BCL2L13: variants seen among roughly 807,000 people sequenced by gnomAD.
BCL2L13 encodes the protein BCL2 like 13.
BCL2L13 carries 13 observed loss-of-function variants against 25.8 expected under a neutral mutation model. That is an observed-to-expected ratio of 0.50 (90% confidence interval 0.33 to 0.80). The LOEUF (loss-of-function observed/expected upper bound fraction) is 0.80. BCL2L13 is among the 30% of genes least tolerant of loss of function. The pLI is 0.02. For synonymous variants in BCL2L13, 244 were observed against 230.3 expected, an observed-to-expected ratio of 1.06 and a Z score of -0.54; for missense variants, 504 against 574.9, an observed-to-expected ratio of 0.88 and a Z score of 1.26.
Position 17,693,372 on chromosome 22 carries a change from G to GTT in BCL2L13, c.387-2746_387-2745dup, listed in dbSNP as rs869268984. 3.1e-3 allele frequency among the ~76,000 whole-genome samples: 218 copies of GTT among 70,590 alleles called. 18 individuals carry two copies. Among genetic ancestry groups the GTT allele is most frequent in the African/African-American group, 0.011 (202 of 19,236 alleles). The allele number at this position is 70,590 out of a possible 152,430, so 46.3% of individuals were successfully genotyped here. ...TTATTTATTTATTTATTTAGTGTTT[G>GTT]TTTTTTTTTTTTTTTTTTTTTTTTG... is the stretch of plus-strand genomic sequence containing the variant. On this transcript the variant is annotated intron_variant, in intron 4 of 6. Coordinates refer to ENST00000317582, the MANE Select transcript of BCL2L13 (RefSeq NM_015367.4).
intron 1 of BCL2L13, 62 bp downstream of exon 1, chr22:17,638,948 G>T: frequency 8.4e-7 from 1 of 1,196,260 alleles, no homozygotes; most frequent in South Asian, 4.3e-5. Context: ...CACCTGGGTA[G>T]GAAAGTGCCC....
chr22:17,704,304 CA>C (rs2060526596), intron 6 of BCL2L13, among the ~76,000 whole-genome samples: 3 of 151,804 alleles, frequency 2.0e-5, no homozygotes, highest in Admixed American at 1.3e-4. Flanking sequence ...AGGCTGGTCT[CA>C]AACTCCTGGC....
Position 17,648,107 on chromosome 22 carries a change from A to G in BCL2L13, c.-50-7555A>G, listed in dbSNP as rs1253988384. ...GTCATGCCACTGCACTCCTGGCGACAGAGACTCTGTCTCAAAAAAAAAAAA... is the reference window on the plus strand; with the variant it reads ...GTCATGCCACTGCACTCCTGGCGACGGAGACTCTGTCTCAAAAAAAAAAAA... On this transcript the variant is annotated intron_variant, in intron 1 of 6. Transcript: ENST00000317582. 5.3e-5 allele frequency among the ~76,000 whole-genome samples: 8 copies of G among 151,804 alleles called. No individual in the cohort carries two copies. The East Asian group carries it at 1.6e-3, about 30-fold the overall frequency.
At chr22:17,643,279 T>C (rs1212403316) in intron 1 of BCL2L13, among the ~76,000 whole-genome samples, 1 of 152,152 alleles carries the variant, frequency 6.6e-6, no homozygotes, top group Admixed American at 6.6e-5. Context: ...TTTTACCATT[T>C]GATAATTTTT....
intron 1 of BCL2L13, among the ~76,000 whole-genome samples, chr22:17,631,425 A>C (rs889441432): frequency 6.6e-5 from 10 of 151,592 alleles, no homozygotes; most frequent in African/African-American, 2.4e-4. Context: ...TTTCCTCATA[A>C]TTAGATTCAG....
chr22:17,631,668 G>GTGTGTGTA (rs2058020826), intron 1 of BCL2L13, among the ~76,000 whole-genome samples: 1 of 21,866 alleles, frequency 4.6e-5, no homozygotes, highest in Non-Finnish European at 9.0e-5. Context: ...ATGTGTGTGT[G>GTGTGTGTA]TGTATATATA....
At chr22:17,692,193 C>T (rs576836177) in intron 4 of BCL2L13, among the ~76,000 whole-genome samples, 12 of 152,288 alleles carry the variant, frequency 7.9e-5, no homozygotes, top group South Asian at 6.2e-4. Context: ...TATCCTGCCC[C>T]GCTCTTTTCT....
At chr22:17,723,287 A>T (rs540769747) in intron 6 of BCL2L13, among the ~76,000 whole-genome samples, 29 of 152,318 alleles carry the variant, frequency 1.9e-4, no homozygotes, top group Non-Finnish European at 3.7e-4. Context: ...GGAGGCCTAG[A>T]AGCCCTCTCT....
intron 5 of BCL2L13, among the ~76,000 whole-genome samples, chr22:17,696,836 C>T (rs2060278527): frequency 2.0e-5 from 3 of 152,070 alleles, no homozygotes. Flanking sequence ...TGTTGCTTAT[C>T]TATTATCTTA....
chr22:17,651,835 C>T (rs762407999), intron 1 of BCL2L13, among the ~76,000 whole-genome samples: 25 of 151,496 alleles, frequency 1.7e-4, no homozygotes, highest in Admixed American at 1.1e-3. Flanking sequence ...GGACTACAGG[C>T]GCCTGCCACC....
chr22:17,714,151 G>T (rs181261924), intron 6 of BCL2L13, among the ~76,000 whole-genome samples: 2 of 152,082 alleles, frequency 1.3e-5, no homozygotes, highest in African/African-American at 2.4e-5. Flanking sequence ...AAGTTAGCCG[G>T]GCGTGGTGGC....
At chr22:17,650,606 ATTTTCC>A (rs1055921903) in intron 1 of BCL2L13, among the ~76,000 whole-genome samples, 3 of 152,006 alleles carry the variant, frequency 2.0e-5, no homozygotes, top group African/African-American at 7.2e-5. Flanking sequence ...ATAATAGGTG[ATTTTCC>A]TTTTCCAAGT....
At chr22:17,678,294 G>A (rs1350519155) in intron 2 of BCL2L13, among the ~76,000 whole-genome samples, 1 of 152,102 alleles carries the variant, frequency 6.6e-6, no homozygotes, top group Admixed American at 6.6e-5. Context: ...AAAGTGCTGA[G>A]ATTACAGGCA....
chr22:17,707,739 C>T (rs559578259), intron 6 of BCL2L13, among the ~76,000 whole-genome samples: 7 of 152,144 alleles, frequency 4.6e-5, no homozygotes, highest in South Asian at 2.1e-4. Flanking sequence ...AATTTACCAA[C>T]GTAGATGGGC....
At chr22:17,708,142 T>G (rs868177442) in intron 6 of BCL2L13, among the ~76,000 whole-genome samples, 10 of 152,186 alleles carry the variant, frequency 6.6e-5, no homozygotes, top group Admixed American at 3.3e-4. Flanking sequence ...TCCTTTTATC[T>G]ACTTAGGTTT....
At chr22:17,636,318 G>A (rs151150785), upstream of BCL2L13, among the ~76,000 whole-genome samples, 2,784 of 141,994 alleles carry the variant, frequency 0.02, 79 homozygotes, top group African/African-American at 0.071. Flanking sequence ...GGGAGACTCC[G>A]TCTCAAAAAA....
Position 17,638,849 on chromosome 22 carries a change from G to GCCT in BCL2L13, c.-86_-84dup. On this transcript the variant is annotated 5_prime_UTR_variant, in exon 1 of 7. Coordinates refer to ENST00000317582, the MANE Select transcript of BCL2L13 (RefSeq NM_015367.4). ...CCTGTCGGAAGCAACTGCCGCCGCC[G>GCCT]CCTCTTTCATCTCTTCTGGGGCAGG... is the stretch of plus-strand genomic sequence containing the variant. 1 of 1,232,152 alleles carries GCCT rather than the reference G, an allele frequency of 8.1e-7. No individual in the cohort carries two copies. Among genetic ancestry groups the GCCT allele is most frequent in the Non-Finnish European group, 1.0e-6 (1 of 988,352 alleles). 76.3% of individuals were successfully genotyped at this position (1,232,152 alleles called of 1,614,324 possible).
intron 6 of BCL2L13, among the ~76,000 whole-genome samples, chr22:17,720,959 G>C (rs1225929346): frequency 6.6e-6 from 1 of 151,942 alleles, no homozygotes; most frequent in Non-Finnish European, 1.5e-5. Flanking sequence ...GAGGTCAGGA[G>C]ATCGAGACCA....
chr22:17,676,793 G>A (rs914833048), intron 2 of BCL2L13, among the ~76,000 whole-genome samples: 8 of 152,144 alleles, frequency 5.3e-5, no homozygotes, highest in African/African-American at 1.9e-4. Flanking sequence ...AAACAGTAAT[G>A]GAGATTTAGT....
Sources: gnomAD v4.1 joint callset for allele counts (sites outside exome capture counted in the v4.1 genomes callset) on GRCh38, gnomAD v4.1.1 for gene constraint, MANE v1.5 for transcripts, NCBI Gene and HGNC (gene_info 2026-07-23, HGNC 2026-07-21) for gene names.